RORA: variants seen among roughly 807,000 people sequenced by gnomAD.
The protein encoded by RORA is nuclear receptor ROR-alpha.
A neutral mutation model predicts 69.5 loss-of-function variants in RORA; 7 were observed. That is an observed-to-expected ratio of 0.10 (90% confidence interval 0.06 to 0.19). RORA has a LOEUF of 0.19. Among genes scored for constraint, RORA ranks in the 10% least tolerant of loss-of-function variants. RORA has a pLI of 1.00. For synonymous variants in RORA, 261 were observed against 240.8 expected (o/e 1.08, Z -0.78); for missense variants, 457 against 663.0 (o/e 0.69, Z 3.41).
chr15:60,548,969 A>C (rs137869316), intron 2 of RORA, among the ~76,000 whole-genome samples: 14 of 152,214 alleles, frequency 9.2e-5, no homozygotes, highest in Non-Finnish European at 1.5e-5. Flanking sequence ...AATGTAATCA[A>C]GTAGCTTTAC....
intron 5 of RORA, among the ~76,000 whole-genome samples, chr15:60,506,868 TC>T (rs1347783844): frequency 6.6e-6 from 1 of 151,926 alleles, no homozygotes; most frequent in Non-Finnish European, 1.5e-5. Flanking sequence ...GTGCTTGTAA[TC>T]CCAGCTACTT....
intron 2 of RORA, among the ~76,000 whole-genome samples, chr15:60,641,851 C>T (rs7164219): frequency 0.017 from 2,593 of 152,102 alleles, 88 homozygotes; most frequent in African/African-American, 0.06. Flanking sequence ...AGAGGCACTT[C>T]GGGTATCTGC....
intron 1 of RORA, among the ~76,000 whole-genome samples, chr15:61,179,644 A>G (rs1185297653): frequency 6.6e-6 from 1 of 152,240 alleles, no homozygotes; most frequent in Non-Finnish European, 1.5e-5. Flanking sequence ...AAAGTTTGCC[A>G]ACCAGTGATT....
rs73430809 is a variant in RORA, at chr15:61,091,161, T to C, written c.166+137892A>G. ...CCGAGCCATGCCAAATACGCACTCT[T>C]TAGAGCTCTGCATTATTGTTGCTTC... is the stretch of plus-strand genomic sequence containing the variant. On this transcript the variant is annotated intron_variant, in intron 1 of 10. Transcript: ENST00000335670. Among the ~76,000 whole-genome samples, 356 of 152,340 alleles carry C rather than the reference T, an allele frequency of 2.3e-3. 1 individual carries two copies. Among genetic ancestry groups the C allele is most frequent in the African/African-American group, 8.1e-3 (336 of 41,574 alleles).
At chr15:60,775,454 G>A (rs770600806) in intron 1 of RORA, among the ~76,000 whole-genome samples, 7 of 152,178 alleles carry the variant, frequency 4.6e-5, no homozygotes, top group Non-Finnish European at 4.4e-5. Context: ...CAATTAACAC[G>A]TTCCTTTTTC....
chr15:60,778,748 C>T (rs1356798335), intron 1 of RORA, among the ~76,000 whole-genome samples: 1 of 152,124 alleles, frequency 6.6e-6, no homozygotes, highest in African/African-American at 2.4e-5. Context: ...AAGATAGTTA[C>T]TGTTTTTCTC....
intron 1 of RORA, among the ~76,000 whole-genome samples, chr15:61,183,718 G>T (rs2079711605): frequency 6.6e-6 from 1 of 152,020 alleles, no homozygotes; most frequent in African/African-American, 2.4e-5. Flanking sequence ...TCTTAAAAAT[G>T]GTAATGTTTT....
intron 2 of RORA, chr15:60,627,127 C>T (rs566586680): frequency 4.4e-6 from 4 of 910,346 alleles, no homozygotes; most frequent in African/African-American, 1.7e-5. Context: ...TTCCTTCACT[C>T]GTCAGATATT....
chr15:60,627,320 A>C lies in RORA; in HGVS notation c.196+51337T>G, dbSNP rs146849829. 8 of 1,614,006 alleles carry C rather than the reference A, an allele frequency of 5.0e-6. No homozygotes were observed. The African/African-American group carries it at 1.1e-4, about 22-fold the overall frequency. On this transcript the variant is annotated intron_variant, in intron 2 of 10. Coordinates refer to ENST00000335670, the MANE Select transcript of RORA (RefSeq NM_134261.3). ...CGAAGACAATGACCCATGATTGACC[A>C]CGGCACTCTTGCCTCAGTCTCTAAG...
At chr15:60,993,714 A>G (rs1288904554) in intron 1 of RORA, among the ~76,000 whole-genome samples, 1 of 151,066 alleles carries the variant, frequency 6.6e-6, no homozygotes, top group African/African-American at 2.4e-5. Flanking sequence ...TATGATCAGT[A>G]CCGCATTTAA....
At chr15:61,042,342 G>A (rs1896817708) in intron 1 of RORA, among the ~76,000 whole-genome samples, 1 of 152,138 alleles carries the variant, frequency 6.6e-6, no homozygotes, top group Non-Finnish European at 1.5e-5. Flanking sequence ...GTTCCAAGAT[G>A]GCAAGGGTGC....
intron 1 of RORA, among the ~76,000 whole-genome samples, chr15:61,091,627 T>C (rs1052529979): frequency 6.6e-6 from 1 of 152,214 alleles, no homozygotes; most frequent in African/African-American, 2.4e-5. Flanking sequence ...CCAGCCTTAA[T>C]AGATTGACTA....
intron 6 of RORA, 144 bp downstream of exon 6, chr15:60,505,364 T>G (rs990754254): frequency 1.2e-6 from 1 of 832,298 alleles, no homozygotes; most frequent in South Asian, 1.7e-5. Flanking sequence ...TCAAGTACAT[T>G]AGTAGCTTCA....
At position 60,520,764 on chromosome 15, in the gene RORA, T is replaced by C. The variant is rs552147648; in HGVS notation, c.283-6007A>G. Among the ~76,000 whole-genome samples the C allele has an allele frequency of 3.9e-5, 6 of 152,282 alleles. No homozygotes were observed. The South Asian group carries it at 1.2e-3, about 32-fold the overall frequency. ...CTGAAGTTGTGAGCTGGGAAAGGTA[T>C]CAAGTACATAATTTGGCAATTTTGT... is the stretch of plus-strand genomic sequence containing the variant. On this transcript the variant is annotated intron_variant, in intron 3 of 10. Coordinates refer to ENST00000335670, the MANE Select transcript of RORA (RefSeq NM_134261.3).
At chr15:60,992,846 A>G (rs1165154884) in intron 1 of RORA, among the ~76,000 whole-genome samples, 5 of 152,198 alleles carry the variant, frequency 3.3e-5, no homozygotes, top group African/African-American at 1.2e-4. Context: ...CTGATACTTA[A>G]AACACTGATA....
intron 1 of RORA, among the ~76,000 whole-genome samples, chr15:60,718,207 T>A (rs1256259012): frequency 6.6e-6 from 1 of 152,220 alleles, no homozygotes; most frequent in Admixed American, 6.5e-5. Flanking sequence ...GGTCTGGACA[T>A]CACTGGGCAG....
chr15:60,622,930 G>A (rs531218070), intron 2 of RORA, among the ~76,000 whole-genome samples: 7 of 152,176 alleles, frequency 4.6e-5, no homozygotes, highest in African/African-American at 1.7e-4. Context: ...TGGCCAGGCT[G>A]GTCTCGAACT....
chr15:60,711,434 AG>A (rs2071142746), intron 1 of RORA, among the ~76,000 whole-genome samples: 1 of 152,222 alleles, frequency 6.6e-6, no homozygotes, highest in Admixed American at 6.5e-5. Context: ...ACAGTACTCA[AG>A]AAGATGGACA....
At chr15:60,996,071 G>GTTTT (rs35698487) in intron 1 of RORA, among the ~76,000 whole-genome samples, 1 of 135,230 alleles carries the variant, frequency 7.4e-6, no homozygotes, top group African/African-American at 2.6e-5. Context: ...CTTGTTTTTT[G>GTTTT]TTTTTTTTTT....
Sources: allele counts gnomAD v4.1 joint callset (sites outside exome capture counted in the v4.1 genomes callset), GRCh38; gene constraint gnomAD v4.1.1; transcripts MANE v1.5; gene names NCBI Gene and HGNC (gene_info 2026-07-23, HGNC 2026-07-21).